Variants in PRKCE observed in about 807,000 individuals in gnomAD.
PRKCE encodes the protein protein kinase C epsilon type.
A neutral mutation model predicts 85.4 loss-of-function variants in PRKCE; 16 were observed. That is an observed-to-expected ratio of 0.19 (90% CI 0.13 to 0.28). PRKCE has a LOEUF of 0.28. PRKCE is among the 10% of genes least tolerant of loss of function. The pLI, the probability that PRKCE is intolerant of heterozygous loss-of-function variation, is 1.00. For synonymous variants in PRKCE, 388 were observed against 371.5 expected (o/e 1.04, Z -0.51); for missense variants, 573 against 975.2 (o/e 0.59, Z 5.49).
chr2:46,172,403 A>G (rs2104664902), intron 14 of PRKCE, among the ~76,000 whole-genome samples: 1 of 152,340 alleles, frequency 6.6e-6, no homozygotes, highest in African/African-American at 2.4e-5. Context: ...TGGAATGTAT[A>G]CTTTATATTT....
rs1702458189 is a variant in PRKCE at position 45,976,420 on chromosome 2, C to T, written c.413-9C>T. ...CTCCGTTTTCTTCCCTGCTCTTGTC[C>T]TTCCCCAGCCCCTAAAGACAATGAA... is the stretch of plus-strand genomic sequence containing the variant. On this transcript the variant is annotated splice_polypyrimidine_tract_variant and intron_variant, in intron 2 of 14. Coordinates refer to ENST00000306156, the MANE Select transcript of PRKCE (RefSeq NM_005400.3). 6.3e-7 allele frequency: 1 copy of T among 1,598,786 alleles called. No homozygotes were observed. The highest frequency in any genetic ancestry group is 8.5e-7 in the Non-Finnish European group (1 of 1,179,230).
intron 14 of PRKCE, among the ~76,000 whole-genome samples, chr2:46,182,610 C>G (rs1680106475): frequency 6.6e-6 from 1 of 152,112 alleles, no homozygotes; most frequent in Admixed American, 6.5e-5. Flanking sequence ...CTATGCAGCT[C>G]AAGCCCAGAG....
At chr2:45,750,538 G>A (rs932031057) in intron 1 of PRKCE, among the ~76,000 whole-genome samples, 9 of 152,296 alleles carry the variant, frequency 5.9e-5, no homozygotes, top group Admixed American at 6.5e-5. Context: ...AGACTGCACC[G>A]GGCTGATGCC....
intron 10 of PRKCE, among the ~76,000 whole-genome samples, chr2:46,061,913 G>A (rs561402150): frequency 4.3e-5 from 6 of 139,796 alleles, no homozygotes; most frequent in Non-Finnish European, 7.5e-5. Flanking sequence ...GAGGAGTGCA[G>A]TGGCACAATC....
Position 45,652,495 on chromosome 2 carries a change from C to T in PRKCE, c.348+47C>T. On this transcript the variant is annotated intron_variant, in intron 1 of 14. Transcript: ENST00000306156. The surrounding 1 kb of genome is among the most constrained non-coding windows in gnomAD (Gnocchi z 7.7). ...CATTCCGGGAACCCGGTTGTGGGGTCCCGGGGAAAGACTCGCTGGTCTTGA... is the reference window on the plus strand; with the variant it reads ...CATTCCGGGAACCCGGTTGTGGGGTTCCGGGGAAAGACTCGCTGGTCTTGA... The T allele has an allele frequency of 1.3e-6, 2 of 1,506,642 alleles. No individual in the cohort carries two copies. The highest frequency in any genetic ancestry group is 2.3e-5 in the East Asian group (1 of 42,958). The allele number at this position is 1,506,642 out of a possible 1,614,324, so 93.3% of individuals were successfully genotyped here.
intron 10 of PRKCE, among the ~76,000 whole-genome samples, chr2:46,057,332 C>T (rs1026906206): frequency 4.6e-5 from 7 of 152,304 alleles, no homozygotes; most frequent in African/African-American, 1.7e-4. Context: ...GTTCTTCTTC[C>T]CACCTATTCC....
intron 10 of PRKCE, among the ~76,000 whole-genome samples, chr2:46,072,075 C>G (rs1298781246): frequency 6.6e-6 from 1 of 152,200 alleles, no homozygotes; most frequent in African/African-American, 2.4e-5. Flanking sequence ...GTTTATCTCA[C>G]CACACTGCTC....
At chr2:46,118,831 G>A (rs1673032014) in intron 11 of PRKCE, among the ~76,000 whole-genome samples, 2 of 152,184 alleles carry the variant, frequency 1.3e-5, no homozygotes. Context: ...AGCAAACCCA[G>A]AGCAATGGCC....
intron 10 of PRKCE, among the ~76,000 whole-genome samples, chr2:46,037,992 T>C (rs1707977062): frequency 6.6e-6 from 1 of 152,180 alleles, no homozygotes; most frequent in Non-Finnish European, 1.5e-5. Context: ...ATAGGGTTGT[T>C]TTAACGCTGG....
intron 2 of PRKCE, among the ~76,000 whole-genome samples, chr2:45,963,699 C>T (rs1701538704): frequency 6.6e-6 from 1 of 152,200 alleles, no homozygotes; most frequent in African/African-American, 2.4e-5. Flanking sequence ...CTTCAGATTC[C>T]CTGAAATTCT....
intron 2 of PRKCE, among the ~76,000 whole-genome samples, chr2:45,936,048 C>G (rs945137738): frequency 2.6e-5 from 4 of 152,154 alleles, no homozygotes; most frequent in Non-Finnish European, 5.9e-5. Flanking sequence ...GACCCTCTGT[C>G]AAGAGGCTCT....
At chr2:45,826,804 C>G (rs1477124484) in intron 1 of PRKCE, among the ~76,000 whole-genome samples, 1 of 152,230 alleles carries the variant, frequency 6.6e-6, no homozygotes, top group Non-Finnish European at 1.5e-5. Flanking sequence ...ATCTCACACA[C>G]TACGTGCAAT....
At chr2:46,110,579 C>G (rs1672156977) in intron 11 of PRKCE, among the ~76,000 whole-genome samples, 1 of 149,684 alleles carries the variant, frequency 6.7e-6, no homozygotes, top group South Asian at 2.1e-4. Context: ...CGTCTTCTCT[C>G]TTTTTCTGGG....
At chr2:46,017,820 A>G (rs1706294464) in intron 10 of PRKCE, among the ~76,000 whole-genome samples, 2 of 152,198 alleles carry the variant, frequency 1.3e-5, no homozygotes, top group South Asian at 4.1e-4. Flanking sequence ...TCATTTTTAC[A>G]GATAAGAAAA....
At chr2:45,679,694 G>T (rs1436785539) in intron 1 of PRKCE, among the ~76,000 whole-genome samples, 1 of 152,168 alleles carries the variant, frequency 6.6e-6, no homozygotes, top group Non-Finnish European at 1.5e-5. Context: ...AGGGGATATG[G>T]GGAGCTGATG....
At chr2:45,795,825 A>T (rs953618356) in intron 1 of PRKCE, among the ~76,000 whole-genome samples, 2 of 152,132 alleles carry the variant, frequency 1.3e-5, no homozygotes, top group African/African-American at 4.8e-5. Flanking sequence ...AGCAGAGCAG[A>T]GCTCGGCAAT....
intron 11 of PRKCE, 135 bp from the exon 12 acceptor site, chr2:46,144,958 G>T (rs1675925138): frequency 5.3e-6 from 7 of 1,309,868 alleles, no homozygotes; most frequent in Non-Finnish European, 7.4e-6. Flanking sequence ...GACTGAGATG[G>T]GTTTCAAGAA....
At chr2:45,872,830 G>A (rs545450667) in intron 2 of PRKCE, among the ~76,000 whole-genome samples, 3 of 152,328 alleles carry the variant, frequency 2.0e-5, no homozygotes, top group Admixed American at 2.0e-4. Context: ...ATAAATGGCT[G>A]TGGTGTTGGG....
intron 2 of PRKCE, among the ~76,000 whole-genome samples, chr2:45,864,438 G>C (rs536475315): frequency 5.1e-4 from 78 of 152,222 alleles, no homozygotes; most frequent in African/African-American, 1.8e-3. Context: ...ACAATAGACT[G>C]TCCTAAGTAG....
Sources: gnomAD v4.1 joint callset for allele counts (sites outside exome capture counted in the v4.1 genomes callset) on GRCh38, gnomAD v4.1.1 for gene constraint, Gnocchi (gnomAD v3.1) non-coding constraint, MANE v1.5 for transcripts, NCBI Gene and HGNC (gene_info 2026-07-23, HGNC 2026-07-21) for gene names.